Variants in PRTFDC1 observed in about 807,000 individuals in gnomAD.
PRTFDC1 encodes phosphoribosyltransferase domain-containing protein 1.
A neutral mutation model predicts 34.6 loss-of-function variants in PRTFDC1; 38 were observed. The ratio of observed to expected loss-of-function variants is 1.10; its 90% confidence interval spans 0.85 to 1.44. The LOEUF is 1.44. PRTFDC1 is among the 40% of genes most tolerant of loss of function. The pLI is 0.00. For missense variants in PRTFDC1, 270 were observed against 283.0 expected (o/e 0.95, Z 0.33); for synonymous variants, 93 against 98.1 (o/e 0.95, Z 0.31).
intron 3 of PRTFDC1, among the ~76,000 whole-genome samples, chr10:24,904,203 C>T (rs968700253): frequency 5.3e-5 from 8 of 151,728 alleles, no homozygotes; most frequent in Non-Finnish European, 5.9e-5. Flanking sequence ...GTTTCAGTAC[C>T]GGCCCTGAGT....
At chr10:24,860,571 C>G (rs895430460) in intron 4 of PRTFDC1, among the ~76,000 whole-genome samples, 6 of 152,032 alleles carry the variant, frequency 3.9e-5, no homozygotes, top group African/African-American at 1.4e-4. Flanking sequence ...GTTTTTCTGT[C>G]AGTTATGACA....
intron 5 of PRTFDC1, among the ~76,000 whole-genome samples, chr10:24,857,851 C>T (rs144026420): frequency 3.9e-5 from 6 of 152,042 alleles, no homozygotes; most frequent in East Asian, 1.9e-4. Flanking sequence ...AGGGATCCCA[C>T]GTTCTCTTTT....
intron 3 of PRTFDC1, among the ~76,000 whole-genome samples, chr10:24,912,383 T>C (rs1389358887): frequency 6.6e-6 from 1 of 150,934 alleles, no homozygotes; most frequent in African/African-American, 2.4e-5. Context: ...AGTTCCAACT[T>C]TACTTCCTCA....
intron 3 of PRTFDC1, among the ~76,000 whole-genome samples, chr10:24,880,856 T>C (rs1386983275): frequency 6.8e-6 from 1 of 148,086 alleles, no homozygotes; most frequent in Non-Finnish European, 1.5e-5. Flanking sequence ...TCTTTCTTTC[T>C]TTCTTTCTTT....
At chr10:24,899,379 G>T (rs1358403811) in intron 3 of PRTFDC1, among the ~76,000 whole-genome samples, 1 of 152,146 alleles carries the variant, frequency 6.6e-6, no homozygotes, top group African/African-American at 2.4e-5. Flanking sequence ...ATTCCTTTGT[G>T]ACTGTGTGGT....
chr10:24,861,064 T>C (rs1847672189), intron 4 of PRTFDC1, among the ~76,000 whole-genome samples: 1 of 151,664 alleles, frequency 6.6e-6, no homozygotes, highest in Non-Finnish European at 1.5e-5. Flanking sequence ...AGAGTCATCT[T>C]TGAAAAGATT....
chr10:24,889,837 T>C (rs1848231113), intron 3 of PRTFDC1, among the ~76,000 whole-genome samples: 1 of 152,182 alleles, frequency 6.6e-6, no homozygotes, highest in African/African-American at 2.4e-5. Context: ...TCTTCAAAAC[T>C]GGGTGGGGTG....
At chr10:24,889,383 A>G (rs1848224170) in intron 3 of PRTFDC1, among the ~76,000 whole-genome samples, 1 of 152,170 alleles carries the variant, frequency 6.6e-6, no homozygotes, top group East Asian at 1.9e-4. Context: ...TAAGCCACCC[A>G]GTCTATGGTA....
At chr10:24,912,532 A>G (rs1301806754) in intron 3 of PRTFDC1, among the ~76,000 whole-genome samples, 1 of 151,994 alleles carries the variant, frequency 6.6e-6, no homozygotes. Flanking sequence ...GGCCATTTAT[A>G]TGTCATTTTT....
chr10:24,912,317 T>G (rs988851792), intron 3 of PRTFDC1, among the ~76,000 whole-genome samples: 6 of 148,644 alleles, frequency 4.0e-5, no homozygotes, highest in African/African-American at 1.5e-4. Context: ...CTGAAGAGTT[T>G]TTTTTTTTTT....
intron 3 of PRTFDC1, among the ~76,000 whole-genome samples, chr10:24,880,236 T>G (rs921680219): frequency 6.6e-6 from 1 of 151,986 alleles, no homozygotes; most frequent in Non-Finnish European, 1.5e-5. Context: ...CTGTCTTTAG[T>G]ATTTTTTTTT....
Position 24,952,584 on chromosome 10 carries a change from C to G in PRTFDC1, c.-9G>C, listed in dbSNP as rs1335216292. 1.4e-6 allele frequency: 2 copies of G among 1,444,500 alleles called. No individual in the cohort carries two copies. Among genetic ancestry groups the G allele is most frequent in the Non-Finnish European group, 1.9e-6 (2 of 1,075,932 alleles). 89.5% of individuals were successfully genotyped at this position (1,444,500 alleles called of 1,614,324 possible). A position where few individuals can be genotyped will look rare whatever the true frequency, so the allele number is the denominator to read the frequency against. Reference sequence around the variant, plus strand: ...TCGCTGCTCCCGGCCATGTTTCTCCCGGGGAACGCGGGAAGGGAAGACGGC... The same window carrying G: ...TCGCTGCTCCCGGCCATGTTTCTCCGGGGGAACGCGGGAAGGGAAGACGGC... On this transcript the variant is annotated 5_prime_UTR_variant, in exon 1 of 9. Coordinates refer to ENST00000320152, the MANE Select transcript of PRTFDC1 (RefSeq NM_020200.7). This position sits in a 1 kb window ranked among gnomAD's most constrained non-coding sequence, Gnocchi z 5.1.
At chr10:24,859,975 A>T (rs566147623) in intron 4 of PRTFDC1, among the ~76,000 whole-genome samples, 1 of 152,326 alleles carries the variant, frequency 6.6e-6, no homozygotes, top group Admixed American at 6.5e-5. Context: ...TTAAAATATG[A>T]CTGTTAATAT....
chr10:24,948,250 C>T (rs996304764), intron 1 of PRTFDC1, among the ~76,000 whole-genome samples: 2 of 152,184 alleles, frequency 1.3e-5, no homozygotes, highest in Non-Finnish European at 2.9e-5. Context: ...CTAATAATAG[C>T]TCAGTTGATA....
intron 3 of PRTFDC1, 47 bp from the exon 4 acceptor site, chr10:24,872,110 A>T (rs763129915): frequency 1.0e-5 from 15 of 1,504,450 alleles, no homozygotes; most frequent in Non-Finnish European, 8.3e-6. Flanking sequence ...CCGCACAAGA[A>T]AACCTTTAAA....
chr10:24,852,278 G>A (rs57294979), intron 7 of PRTFDC1, among the ~76,000 whole-genome samples: 2,123 of 151,858 alleles, frequency 0.014, 96 homozygotes, highest in East Asian at 0.12. Flanking sequence ...TCAGTTTCCC[G>A]AGTAGCTGGG....
intron 3 of PRTFDC1, among the ~76,000 whole-genome samples, chr10:24,909,153 T>C (rs1384404196): frequency 6.6e-6 from 1 of 152,166 alleles, no homozygotes; most frequent in Admixed American, 6.5e-5. Flanking sequence ...TGGTGGTGTG[T>C]GTCTATATTC....
At chr10:24,869,863 C>T (rs973999965) in intron 4 of PRTFDC1, among the ~76,000 whole-genome samples, 1 of 152,160 alleles carries the variant, frequency 6.6e-6, no homozygotes, top group African/African-American at 2.4e-5. Context: ...TTACCATTTC[C>T]CTCTGCCCTG....
intron 3 of PRTFDC1, among the ~76,000 whole-genome samples, chr10:24,907,509 T>C (rs1352876785): frequency 6.6e-6 from 1 of 152,146 alleles, no homozygotes; most frequent in Non-Finnish European, 1.5e-5. Flanking sequence ...GGTGGGAGAA[T>C]CACTTGAACC....
Sources: gnomAD v4.1 joint callset for allele counts (sites outside exome capture counted in the v4.1 genomes callset) on GRCh38, gnomAD v4.1.1 for gene constraint, Gnocchi (gnomAD v3.1) non-coding constraint, MANE v1.5 for transcripts, NCBI Gene and HGNC (gene_info 2026-07-23, HGNC 2026-07-21) for gene names.